Variants in EPG5 observed in about 807,000 individuals in gnomAD.
EPG5 encodes the protein ectopic P-granules 5 autophagy tethering factor, also known as ectopic P granules protein 5 homolog.
A neutral mutation model predicts 302.7 loss-of-function variants in EPG5; 159 were observed. The observed-to-expected ratio is 0.53, with a 90% CI of 0.46 to 0.60. EPG5 has a LOEUF of 0.60. Among genes scored for constraint, EPG5 ranks in the 20% least tolerant of loss-of-function variants. EPG5 has a pLI of 0.00. For missense variants in EPG5, 2,896 were observed against 3,092.4 expected (o/e 0.94, Z 1.51); for synonymous variants, 1,158 against 1,136.8 (o/e 1.02, Z -0.37).
At chr18:45,901,636 G>A (rs2049621875) in intron 25 of EPG5, among the ~76,000 whole-genome samples, 2 of 152,172 alleles carry the variant, frequency 1.3e-5, no homozygotes, top group African/African-American at 4.8e-5. Context: ...GATGCAGTAA[G>A]AGATAAAATG....
chr18:45,849,557 C>G lies in EPG5; in HGVS notation c.*2910G>C, dbSNP rs1462197051. 1.3e-5 allele frequency: 2 copies of G among 152,228 alleles called. No homozygotes were observed. The highest frequency in any genetic ancestry group is 3.8e-4 in the East Asian group (2 of 5,206). 9.4% of individuals were successfully genotyped at this position (152,228 alleles called of 1,614,324 possible). On this transcript the variant is annotated 3_prime_UTR_variant, in exon 44 of 44. Transcript: ENST00000282041. ...CATTTGAAAGGAACGAGGACATGAA[C>G]ACTCTTGGCTTGTATGACATGTACA...
At chr18:45,908,593 A>G (rs1225914975) in intron 23 of EPG5, among the ~76,000 whole-genome samples, 1 of 152,232 alleles carries the variant, frequency 6.6e-6, no homozygotes, top group Non-Finnish European at 1.5e-5. Context: ...TCGCAAATAA[A>G]TATCACAGCA....
intron 2 of EPG5, chr18:45,953,843 C>A (rs1229239944): frequency 1.0e-6 from 1 of 984,942 alleles, no homozygotes; most frequent in Admixed American, 6.2e-5. Context: ...TTGGATGCAA[C>A]CCCATGGAGG....
the EPG5 span, among the ~76,000 whole-genome samples, chr18:45,814,113 A>T: frequency 1.3e-5 from 2 of 152,174 alleles, no homozygotes; most frequent in African/African-American, 4.8e-5. Context: ...CCTGGAAGAC[A>T]TCACCTTAAC....
Position 45,867,661 on chromosome 18 carries a change from A to C in EPG5, c.6313T>G (p.Trp2105Gly). The change falls in exon 37 of 44, where the codon TGG becomes GGG. Residue 2105 changes from tryptophan (W) to glycine (G), a missense_variant. This residue lies in a region of EPG5 where 620 missense variants were observed against 704.2 expected (regional missense o/e 0.88). Transcript: ENST00000282041. ...GTTTCTGGGTGGGGACTGGAATTCC[A>C]GGCATCAGAGAGCACACTAACCCAG... ...VNWVSVLSDA[W>G]NSSPHPETRS... The C allele has an allele frequency of 6.2e-7, 1 of 1,614,102 alleles. No homozygotes were observed. Among genetic ancestry groups the C allele is most frequent in the East Asian group, 2.2e-5 (1 of 44,882 alleles).
chr18:45,906,141 G>C (rs1691015054), intron 24 of EPG5, among the ~76,000 whole-genome samples: 1 of 152,066 alleles, frequency 6.6e-6, no homozygotes, highest in African/African-American at 2.4e-5. Flanking sequence ...CCTTGATAGA[G>C]AGCTCTCGTT....
intron 14 of EPG5, among the ~76,000 whole-genome samples, chr18:45,924,841 T>C (rs1234925750): frequency 6.6e-6 from 1 of 152,142 alleles, no homozygotes; most frequent in Non-Finnish European, 1.5e-5. Flanking sequence ...GCCCAGGAGT[T>C]CAAGGCCAGC....
In EPG5 at chr18:45,893,744, G is replaced by T. The variant is rs540218811; in HGVS notation, c.4810-3804C>A. Among the ~76,000 whole-genome samples the T allele has an allele frequency of 1.6e-4, 25 of 152,240 alleles. 1 individual carries two copies. In the South Asian group the frequency reaches 4.6e-3, roughly 28 times the overall value. On this transcript the variant is annotated intron_variant, in intron 27 of 43. Coordinates refer to ENST00000282041, the MANE Select transcript of EPG5 (RefSeq NM_020964.3). The stretch of plus-strand genomic sequence containing the variant: ...ACACTAGAGTAAAAATATACAGTAA[G>T]CAGTGTATAGTATTTAAGTTGAGTA...
chr18:45,837,196 G>T, the EPG5 span: 2 of 1,518,516 alleles, frequency 1.3e-6, no homozygotes, highest in Non-Finnish European at 8.8e-7. Context: ...AAAAACTAAG[G>T]GTAAGAATAT....
chr18:45,820,638 C>T, the EPG5 span, among the ~76,000 whole-genome samples: 1 of 152,092 alleles, frequency 6.6e-6, no homozygotes, highest in Non-Finnish European at 1.5e-5. Flanking sequence ...TTCCACGGAC[C>T]TGAGCCAGCT....
intron 27 of EPG5, among the ~76,000 whole-genome samples, chr18:45,892,320 A>C (rs563798152): frequency 3.3e-5 from 5 of 152,326 alleles, no homozygotes; most frequent in Admixed American, 6.5e-5. Flanking sequence ...AGAGCAATGG[A>C]ATGTCTATCA....
Position 45,875,863 on chromosome 18 carries a change from T to A in EPG5, c.6049+373A>T, listed in dbSNP as rs9960139. 3.5e-3 allele frequency among the ~76,000 whole-genome samples: 532 copies of A among 152,272 alleles called. 2 individuals carry two copies. Among genetic ancestry groups the A allele is most frequent in the African/African-American group, 0.012 (505 of 41,568 alleles). On this transcript the variant is annotated intron_variant, in intron 35 of 43. Coordinates refer to ENST00000282041, the MANE Select transcript of EPG5 (RefSeq NM_020964.3). ...TGAGCTCAGGAGTTTGAGACCAGCC[T>A]GGGCAACATGGTGAAACCCCGTCTC... is the stretch of plus-strand genomic sequence containing the variant.
At chr18:45,939,060 G>A (rs2050602233) in intron 10 of EPG5, among the ~76,000 whole-genome samples, 1 of 152,208 alleles carries the variant, frequency 6.6e-6, no homozygotes, top group Non-Finnish European at 1.5e-5. Context: ...GGGATGTGCA[G>A]CTATGCCCTT....
At chr18:45,853,159 G>A (rs2048449207) in intron 43 of EPG5, among the ~76,000 whole-genome samples, 1 of 152,186 alleles carries the variant, frequency 6.6e-6, no homozygotes, top group Non-Finnish European at 1.5e-5. Context: ...ATGAGATAAT[G>A]TTATATGAAA....
intron 12 of EPG5, 79 bp downstream of exon 12, chr18:45,930,597 G>A: frequency 8.1e-7 from 1 of 1,236,074 alleles, no homozygotes; most frequent in Non-Finnish European, 1.1e-6. Flanking sequence ...ATTTGTAAAA[G>A]CAATCCCCCA....
intron 34 of EPG5, 34 bp from the exon 35 acceptor site, chr18:45,876,376 A>C (rs1286515372): frequency 1.3e-6 from 2 of 1,547,646 alleles, no homozygotes; most frequent in Non-Finnish European, 1.8e-6. Context: ...TTAGGAATGC[A>C]ACCGTGATTA....
intron 10 of EPG5, among the ~76,000 whole-genome samples, chr18:45,937,500 G>C (rs1466035288): frequency 6.6e-6 from 1 of 152,040 alleles, no homozygotes; most frequent in African/African-American, 2.4e-5. Context: ...TCCACTTCCG[G>C]GGTTCAAGCG....
At chr18:45,809,357 C>T in the EPG5 span, among the ~76,000 whole-genome samples, 3 of 152,134 alleles carry the variant, frequency 2.0e-5, no homozygotes, top group Admixed American at 1.3e-4. Flanking sequence ...AAACTATACC[C>T]TAGAACAAAT....
the EPG5 span, among the ~76,000 whole-genome samples, chr18:45,812,926 G>A: frequency 3.9e-5 from 6 of 152,106 alleles, no homozygotes; most frequent in African/African-American, 7.2e-5. Flanking sequence ...AGTGGGATCT[G>A]ATTAAACTAA....
Sources: allele counts gnomAD v4.1 joint callset (sites outside exome capture counted in the v4.1 genomes callset), GRCh38; gene constraint gnomAD v4.1.1; regional missense constraint gnomAD v4.1.1; transcripts MANE v1.5; gene names NCBI Gene and HGNC (gene_info 2026-07-23, HGNC 2026-07-21).